Variants in FRY observed in about 807,000 individuals in gnomAD.
FRY encodes the protein protein furry homolog.
A neutral mutation model predicts 348.4 loss-of-function variants in FRY; 128 were observed. The ratio of observed to expected loss-of-function variants is 0.37; its 90% CI spans 0.32 to 0.43. FRY has a LOEUF of 0.43. FRY is among the 20% of genes least tolerant of loss of function. The pLI is 1.00. For synonymous variants in FRY, 1,370 were observed against 1,374.7 expected, an observed-to-expected ratio of 1.00 and a Z score of 0.08; for missense variants, 2,736 against 3,695.2, an observed-to-expected ratio of 0.74 and a Z score of 6.73.
At chr13:32,066,033 A>G (rs1200604508) in intron 1 of FRY, among the ~76,000 whole-genome samples, 1 of 152,208 alleles carries the variant, frequency 6.6e-6, no homozygotes, top group Non-Finnish European at 1.5e-5. Flanking sequence ...ATCACATCTA[A>G]TAAAATTGAC....
At chr13:32,284,383 C>A (rs1434830383) in intron 58 of FRY, among the ~76,000 whole-genome samples, 1 of 152,170 alleles carries the variant, frequency 6.6e-6, no homozygotes, top group Non-Finnish European at 1.5e-5. Flanking sequence ...TTAAACAAGA[C>A]AAGACTTTTC....
intron 28 of FRY, 126 bp from the exon 29 acceptor site, chr13:32,194,017 C>A (rs1883522770): frequency 2.7e-5 from 26 of 953,822 alleles, no homozygotes; most frequent in Non-Finnish European, 4.2e-5. Context: ...GACATAAAAA[C>A]CAAAATGAAA....
At chr13:32,140,422 A>G (rs1879992610) in intron 11 of FRY, among the ~76,000 whole-genome samples, 1 of 152,214 alleles carries the variant, frequency 6.6e-6, no homozygotes, top group Admixed American at 6.5e-5. Context: ...TACTTATGCT[A>G]GGACTTAAAT....
intron 1 of FRY, among the ~76,000 whole-genome samples, chr13:32,032,319 T>G (rs1157096122): frequency 6.6e-6 from 1 of 152,170 alleles, no homozygotes; most frequent in East Asian, 1.9e-4. Flanking sequence ...TTTGTAATTG[T>G]TTTTTTAGGG....
At chr13:32,277,627 A>G (rs1417455016) in intron 57 of FRY, among the ~76,000 whole-genome samples, 1 of 149,714 alleles carries the variant, frequency 6.7e-6, no homozygotes, top group African/African-American at 2.5e-5. Context: ...GACCAGCACA[A>G]TGCCACATAG....
intron 42 of FRY, among the ~76,000 whole-genome samples, chr13:32,235,097 G>C (rs979960137): frequency 1.3e-5 from 2 of 152,164 alleles, no homozygotes; most frequent in Non-Finnish European, 2.9e-5. Flanking sequence ...GCCAACCTAG[G>C]ATGCAGTTAT....
In FRY at chr13:32,179,014, C is replaced by T. The variant is rs1310544868; in HGVS notation, c.2852C>T (p.Thr951Ile). Residue 951 changes from threonine (T) to isoleucine (I), a missense_variant, in exon 22 of 61, where the codon ACA (threonine) becomes ATA (isoleucine). Physicochemically the swap from Thr to Ile is moderately conservative, Grantham distance 89. Transcript: ENST00000542859. ...PEIMATTPDG[T>I]VSYDNKAIGT... ...ATAATGGCGACCACACCTGATGGTA[C>T]AGTGAGCTACGATAACAAGGTGACA... is the stretch of plus-strand genomic sequence containing the variant. 6.2e-7 allele frequency: 1 copy of T among 1,613,150 alleles called. No homozygotes were observed. The highest frequency in any genetic ancestry group is 1.7e-5 in the Admixed American group (1 of 60,018).
chr13:32,230,435 T>A (rs1025360387), intron 40 of FRY, among the ~76,000 whole-genome samples: 1 of 152,158 alleles, frequency 6.6e-6, no homozygotes, highest in African/African-American at 2.4e-5. Context: ...TTCCATGGTG[T>A]ATATATAGTT....
intron 28 of FRY, 142 bp downstream of exon 28, chr13:32,187,798 C>A: frequency 3.0e-6 from 2 of 660,542 alleles, no homozygotes; most frequent in East Asian, 2.8e-5. Context: ...GTTTGCTTTA[C>A]GCTATGATAC....
chr13:32,062,937 T>A (rs1027834483), intron 1 of FRY, among the ~76,000 whole-genome samples: 2 of 151,812 alleles, frequency 1.3e-5, no homozygotes, highest in Non-Finnish European at 2.9e-5. Flanking sequence ...TATGCATATG[T>A]ATATTAGTAT....
In FRY at chr13:32,124,589, CT is replaced by C. The variant is rs755969708; in HGVS notation, c.556-4del. On this transcript the variant is annotated splice_polypyrimidine_tract_variant and intron_variant, in intron 5 of 60. Transcript: ENST00000542859. Reference sequence around the variant, plus strand: ...TATTCCCTTCTGAGTTAAGAACCACCTTTTTTTTTCAGATTCCACTTCATCC... The same window carrying C: ...TATTCCCTTCTGAGTTAAGAACCACCTTTTTTTTCAGATTCCACTTCATCC... 289 of 1,499,894 alleles carry C rather than the reference CT, an allele frequency of 1.9e-4. No homozygotes were observed. The highest frequency in any genetic ancestry group is 4.1e-4 in the Middle Eastern group (2 of 4,844). The allele number at this position is 1,499,894 out of a possible 1,614,324, so 92.9% of individuals were successfully genotyped here. A position where few individuals can be genotyped will look rare whatever the true frequency, so the allele number is the denominator to read the frequency against.
chr13:32,049,903 G>A (rs1381504835), intron 1 of FRY, among the ~76,000 whole-genome samples: 1 of 152,138 alleles, frequency 6.6e-6, no homozygotes, highest in Non-Finnish European at 1.5e-5. Context: ...ATAGGCAGAA[G>A]CAATTATTTG....
Position 32,209,701 on chromosome 13 carries a change from G to A in FRY, c.4392G>A (p.Gly1464=), listed in dbSNP as rs746534768. The change falls in exon 33 of 61, where the codon GGG becomes GGA. Residue 1464 remains glycine, a synonymous_variant. Coordinates refer to ENST00000542859, the MANE Select transcript of FRY (RefSeq NM_023037.3). ...ITLQFLISLC[G]VSSDTVLLPY... The stretch of plus-strand genomic sequence containing the variant: ...TGCAGTTCCTGATTAGCCTCTGTGG[G>A]GTCAGCAGCGACACAGTTCTCCTAC... 1 of 1,614,094 alleles carries A rather than the reference G, an allele frequency of 6.2e-7. No individual in the cohort carries two copies. Among genetic ancestry groups the A allele is most frequent in the Non-Finnish European group, 8.5e-7 (1 of 1,179,980 alleles).
intron 1 of FRY, among the ~76,000 whole-genome samples, chr13:32,071,967 A>T (rs1464075347): frequency 6.6e-6 from 1 of 152,212 alleles, no homozygotes; most frequent in Non-Finnish European, 1.5e-5. Flanking sequence ...TCAAAAGATA[A>T]CGTCATCACA....
In FRY at chr13:32,237,743, G is replaced by C; in HGVS notation, c.6175G>C (p.Glu2059Gln). 1.9e-6 allele frequency: 3 copies of C among 1,614,124 alleles called. No homozygotes were observed. The highest frequency in any genetic ancestry group is 2.5e-6 in the Non-Finnish European group (3 of 1,180,032). ...CTTGATGGAGTCTGATTTTGAGTTTGAATACTTAATGGCCTTAAGGCTGTT... is the reference window on the plus strand; with the variant it reads ...CTTGATGGAGTCTGATTTTGAGTTTCAATACTTAATGGCCTTAAGGCTGTT... ...VALMESDFEF[E>Q]YLMALRLLSR... Residue 2059 changes from glutamate (E) to glutamine (Q), a missense_variant, in exon 44 of 61, where the codon GAA becomes CAA. Coordinates refer to ENST00000542859, the MANE Select transcript of FRY (RefSeq NM_023037.3). The surrounding 1 kb of genome is among the most constrained non-coding windows in gnomAD (Gnocchi z 6.3).
chr13:32,221,016 G>A (rs1201256495), intron 36 of FRY, among the ~76,000 whole-genome samples: 1 of 152,152 alleles, frequency 6.6e-6, no homozygotes, highest in African/African-American at 2.4e-5. Context: ...TAGAATTATA[G>A]GGTTCTGGCT....
At chr13:32,235,525 G>A (rs952308626) in intron 42 of FRY, among the ~76,000 whole-genome samples, 2 of 152,348 alleles carry the variant, frequency 1.3e-5, no homozygotes, top group East Asian at 3.9e-4. Flanking sequence ...TCAGGAGGCT[G>A]AGGCAGGAGA....
At chr13:32,223,299 C>CA (rs1885412330) in intron 36 of FRY, among the ~76,000 whole-genome samples, 1 of 152,130 alleles carries the variant, frequency 6.6e-6, no homozygotes, top group African/African-American at 2.4e-5. Flanking sequence ...GGAGGAAAAG[C>CA]AAATTTTCAT....
intron 1 of FRY, among the ~76,000 whole-genome samples, chr13:32,044,373 G>T (rs553193861): frequency 6.6e-6 from 1 of 152,102 alleles, no homozygotes. Context: ...GCTAGGTATC[G>T]CAATGGTTAA....
Sources: gnomAD v4.1 joint callset for allele counts (sites outside exome capture counted in the v4.1 genomes callset) on GRCh38, gnomAD v4.1.1 for gene constraint, Gnocchi (gnomAD v3.1) non-coding constraint, MANE v1.5 for transcripts, NCBI Gene and HGNC (gene_info 2026-07-23, HGNC 2026-07-21) for gene names.